The following YWHAE variants were observed in gnomAD, a reference collection of about 807,000 sequenced individuals.
The protein encoded by YWHAE is 14-3-3 protein epsilon.
A neutral mutation model predicts 30.1 loss-of-function variants in YWHAE; 4 were observed. That is an observed-to-expected ratio of 0.13 (90% CI 0.07 to 0.30). The LOEUF is 0.30. YWHAE is among the 10% of genes least tolerant of loss of function. The pLI is 1.00. For synonymous variants in YWHAE, 118 were observed against 111.8 expected, an observed-to-expected ratio of 1.06 and a Z score of -0.35; for missense variants, 121 against 315.9, an observed-to-expected ratio of 0.38 and a Z score of 4.68.
At chr17:1,353,670 A>G (rs1239649408) in intron 5 of YWHAE, among the ~76,000 whole-genome samples, 1 of 151,186 alleles carries the variant, frequency 6.6e-6, no homozygotes, top group South Asian at 2.1e-4. Context: ...AAGCTGAGGC[A>G]GGAGAATCGC....
chr17:1,372,996 C>T (rs561626408), intron 1 of YWHAE, among the ~76,000 whole-genome samples: 2 of 151,968 alleles, frequency 1.3e-5, no homozygotes, highest in Non-Finnish European at 2.9e-5. Context: ...AATCCCAGCA[C>T]TTTGGGAGGC....
Position 1,362,047 on chromosome 17 carries a change from T to C in YWHAE, c.265-39A>G, listed in dbSNP as rs751909453. 6 of 1,249,074 alleles carry C rather than the reference T, an allele frequency of 4.8e-6. 2 individuals are homozygous for C. The South Asian group carries it at 9.3e-5, about 19-fold the overall frequency. The allele number at this position is 1,249,074 out of a possible 1,614,324, so 77.4% of individuals were successfully genotyped here. Reference sequence around the variant, plus strand: ...AATTTTTTTTAAATCAGATTAAGTCTAGAAATTCTACAAATTATTACATAT... The same window carrying C: ...AATTTTTTTTAAATCAGATTAAGTCCAGAAATTCTACAAATTATTACATAT... On this transcript the variant is annotated intron_variant, in intron 2 of 5. Coordinates refer to ENST00000264335, the MANE Select transcript of YWHAE (RefSeq NM_006761.5).
intron 1 of YWHAE, among the ~76,000 whole-genome samples, chr17:1,372,627 A>G (rs62087944): frequency 0.048 from 7,349 of 152,278 alleles, 246 homozygotes; most frequent in Middle Eastern, 0.071. Context: ...GTTATGTTTC[A>G]GGTAATAGGT....
chr17:1,391,266 A>G (rs532312942), intron 1 of YWHAE, among the ~76,000 whole-genome samples: 106 of 152,048 alleles, frequency 7.0e-4, no homozygotes, highest in African/African-American at 2.5e-3. Context: ...TTTGACTTAT[A>G]TTCTGCCAAA....
intron 2 of YWHAE, among the ~76,000 whole-genome samples, chr17:1,363,809 C>T (rs2072900758): frequency 6.6e-6 from 1 of 151,586 alleles, no homozygotes; most frequent in Admixed American, 6.6e-5. Context: ...TTCCACCTGC[C>T]CTGTAATTCT....
rs183778047 is a variant in YWHAE, at chr17:1,352,620, G to A, written c.715+1591C>T. On this transcript the variant is annotated intron_variant, in intron 5 of 5. Coordinates refer to ENST00000264335, the MANE Select transcript of YWHAE (RefSeq NM_006761.5). ...AGCTCACTGCAACCTCCGCCTCCTG[G>A]GTTTAAGCAATTCTCCGGCCTCAGC... Among the ~76,000 whole-genome samples, 75 of 152,080 alleles carry A rather than the reference G, an allele frequency of 4.9e-4. No homozygotes were observed. In the Middle Eastern group the frequency reaches 0.01, roughly 21 times the overall value.
At chr17:1,367,967 C>T (rs1303017111) in intron 1 of YWHAE, among the ~76,000 whole-genome samples, 2 of 152,102 alleles carry the variant, frequency 1.3e-5, no homozygotes, top group African/African-American at 2.4e-5. Context: ...AGAAGGATGA[C>T]ATGTTGGGTG....
intron 1 of YWHAE, among the ~76,000 whole-genome samples, chr17:1,376,928 C>CT (rs150653022): frequency 0.15 from 21,369 of 142,146 alleles, 2,175 homozygotes; most frequent in East Asian, 0.56. Flanking sequence ...ATAACCCTAA[C>CT]TTTTTTTTTT....
intron 2 of YWHAE, 150 bp downstream of exon 2, chr17:1,364,709 C>T (rs1253637763): frequency 3.0e-6 from 3 of 1,001,128 alleles, no homozygotes; most frequent in Non-Finnish European, 4.4e-6. Flanking sequence ...ACTTATAAAC[C>T]AGGCACAAAG....
intron 1 of YWHAE, among the ~76,000 whole-genome samples, chr17:1,375,400 C>G (rs754765855): frequency 1.3e-5 from 2 of 152,132 alleles, no homozygotes; most frequent in Non-Finnish European, 2.9e-5. Context: ...CTGAAATCAC[C>G]TTTGCGGCAA....
chr17:1,384,862 G>A (rs1451214921), intron 1 of YWHAE, among the ~76,000 whole-genome samples: 4 of 152,068 alleles, frequency 2.6e-5, no homozygotes, highest in East Asian at 3.9e-4. Context: ...CATGCGCCAC[G>A]AAGCCTGGCT....
rs145227798 is a variant in YWHAE at position 1,357,759 on chromosome 17, C to T, written c.578+3333G>A. On this transcript the variant is annotated intron_variant, in intron 4 of 5. Coordinates refer to ENST00000264335, the MANE Select transcript of YWHAE (RefSeq NM_006761.5). ...TGGCCAACACTGTGAAAACCCATCT[C>T]TACATAAAAATACAAAAATTAGCTG... 3.1e-3 allele frequency among the ~76,000 whole-genome samples: 473 copies of T among 151,076 alleles called. 1 individual carries two copies. The highest frequency in any genetic ancestry group is 0.011 in the African/African-American group (441 of 41,120).
chr17:1,390,122 G>A (rs1356452998), intron 1 of YWHAE, among the ~76,000 whole-genome samples: 1 of 152,176 alleles, frequency 6.6e-6, no homozygotes, highest in Non-Finnish European at 1.5e-5. Context: ...GGGATTACAG[G>A]TGTGAGCCAC....
intron 4 of YWHAE, among the ~76,000 whole-genome samples, chr17:1,359,919 GAGGGGGAGGGGGGGAGGAGGGGGA>G (rs2072831564): frequency 1.3e-5 from 1 of 76,834 alleles, no homozygotes; most frequent in African/African-American, 7.0e-5. Flanking sequence ...GGGAGACGGG[GAGGGGGAGGGGGGGAGGAGGGGGA>G]GGGGGGGAGA....
chr17:1,388,104 T>TTG, intron 1 of YWHAE, among the ~76,000 whole-genome samples: 1 of 46,866 alleles, frequency 2.1e-5, no homozygotes, highest in Non-Finnish European at 3.5e-5. Context: ...AATTTTTGTT[T>TTG]TTTTTTTTGG....
chr17:1,381,233 T>C (rs975899725), intron 1 of YWHAE, among the ~76,000 whole-genome samples: 6 of 151,886 alleles, frequency 4.0e-5, no homozygotes, highest in Admixed American at 1.3e-4. Flanking sequence ...CAAAAATTAG[T>C]CCGGGTGTGG....
intron 5 of YWHAE, among the ~76,000 whole-genome samples, chr17:1,349,011 G>C (rs770314437): frequency 1.3e-5 from 2 of 149,276 alleles, no homozygotes; most frequent in Non-Finnish European, 3.0e-5. Flanking sequence ...GGGTGACAAA[G>C]CAAGACTCTG....
intron 1 of YWHAE, among the ~76,000 whole-genome samples, chr17:1,381,260 A>G (rs2073201551): frequency 6.6e-6 from 1 of 152,102 alleles, no homozygotes; most frequent in Admixed American, 6.6e-5. Flanking sequence ...TACGCCTGTA[A>G]TCCCAGCACT....
At chr17:1,365,589 G>T (rs534987344) in intron 1 of YWHAE, among the ~76,000 whole-genome samples, 1 of 152,066 alleles carries the variant, frequency 6.6e-6, no homozygotes, top group Admixed American at 6.6e-5. Context: ...AACTTCTGAT[G>T]ATTCCTACTT....
Sources: allele counts gnomAD v4.1 joint callset (sites outside exome capture counted in the v4.1 genomes callset), GRCh38; gene constraint gnomAD v4.1.1; transcripts MANE v1.5; gene names NCBI Gene and HGNC (gene_info 2026-07-23, HGNC 2026-07-21).